MCMDC2: variants seen among roughly 807,000 people sequenced by gnomAD.
MCMDC2 encodes minichromosome maintenance domain containing 2.
MCMDC2 carries 54 observed loss-of-function variants against 75.8 expected under a neutral mutation model. That is an observed-to-expected ratio of 0.71 (90% CI 0.57 to 0.89). The LOEUF (loss-of-function observed/expected upper bound fraction) is 0.89. MCMDC2 is among the 40% of genes least tolerant of loss of function. The pLI is 0.00. For missense variants in MCMDC2, 656 were observed against 780.4 expected (o/e 0.84, Z 1.90); for synonymous variants, 249 against 274.6 (o/e 0.91, Z 0.92).
intron 7 of MCMDC2, 86 bp downstream of exon 7, chr8:66,879,005 C>A: frequency 1.2e-6 from 1 of 812,804 alleles, no homozygotes; most frequent in Non-Finnish European, 2.0e-6. Context: ...CCTGTAATCC[C>A]AACACTTTTG....
chr8:66,886,786 A>G (rs950683459), intron 9 of MCMDC2, among the ~76,000 whole-genome samples: 11 of 151,940 alleles, frequency 7.2e-5, no homozygotes, highest in Non-Finnish European at 1.6e-4. Context: ...AAAAAAAAAA[A>G]AAAGAAAGAA....
intron 11 of MCMDC2, 37 bp downstream of exon 11, chr8:66,896,373 T>A: frequency 6.6e-7 from 1 of 1,526,600 alleles, no homozygotes; most frequent in Admixed American, 2.4e-5. Context: ...AGAATGTTGT[T>A]CAAGGAATAA....
intron 10 of MCMDC2, among the ~76,000 whole-genome samples, chr8:66,895,570 C>A (rs1255054680): frequency 6.6e-6 from 1 of 151,594 alleles, no homozygotes; most frequent in Non-Finnish European, 1.5e-5. Context: ...CAATGCTTGG[C>A]TAATTTTTTG....
chr8:66,910,706 G>A (rs1813076077), intron 14 of MCMDC2, among the ~76,000 whole-genome samples: 2 of 152,098 alleles, frequency 1.3e-5, no homozygotes, highest in African/African-American at 4.8e-5. Flanking sequence ...CTACTTGGTA[G>A]GCTGAGGCTG....
intron 12 of MCMDC2, among the ~76,000 whole-genome samples, chr8:66,897,406 CAAA>C (rs745366466): frequency 6.9e-5 from 5 of 72,244 alleles, no homozygotes; most frequent in Admixed American, 3.1e-4. Context: ...GACCCTGTCT[CAAA>C]AAAAAAAAAA....
Position 66,919,498 on chromosome 8 carries a change from T to A in MCMDC2, c.*329T>A. 1 of 166,298 alleles carries A rather than the reference T, an allele frequency of 6.0e-6. No homozygotes were observed. Among genetic ancestry groups the A allele is most frequent in the Non-Finnish European group, 1.3e-5 (1 of 77,498 alleles). 10.3% of individuals were successfully genotyped at this position (166,298 alleles called of 1,614,324 possible). ...CAGATAAAAATGTAAATGTTGCAAT[T>A]TGAGCAGTGTGTAAAATGGCAACCT... On this transcript the variant is annotated 3_prime_UTR_variant, in exon 15 of 15. Coordinates refer to ENST00000422365, the MANE Select transcript of MCMDC2 (RefSeq NM_173518.5).
chr8:66,884,390 A>G (rs1811735216), intron 9 of MCMDC2: 1 of 185,982 alleles, frequency 5.4e-6, no homozygotes, highest in African/African-American at 2.3e-5. Context: ...TAAGGCTGTC[A>G]GAAGTGCCAT....
rs1008592632 is a variant in MCMDC2, at chr8:66,874,530, T to A, written c.229T>A (p.Cys77Ser). The change falls in exon 4 of 15, where the codon TGT becomes AGT. Residue 77 changes from cysteine (C) to serine (S), a missense_variant. Transcript: ENST00000422365. Reference protein sequence around the residue: ...LKAAEVFQSVCFIAVKTLSLI... With the variant: ...LKAAEVFQSVSFIAVKTLSLI... ...CTTTTTTTGTTTGAAATCACAGGTC[T>A]GTTTTATTGCTGTTAAGACTCTCTC... 1.9e-6 allele frequency: 3 copies of A among 1,613,312 alleles called. No homozygotes were observed. The highest frequency in any genetic ancestry group is 2.5e-6 in the Non-Finnish European group (3 of 1,179,802).
Position 66,902,711 on chromosome 8 carries a change from A to AATATATAT in MCMDC2, c.1769+1387_1769+1394dup, listed in dbSNP as rs1231949044. 2.7e-3 allele frequency among the ~76,000 whole-genome samples: 183 copies of AATATATAT among 67,904 alleles called. 5 individuals are homozygous for AATATATAT. Among genetic ancestry groups the AATATATAT allele is most frequent in the East Asian group, 0.022 (44 of 2,002 alleles). 44.5% of individuals were successfully genotyped at this position (67,904 alleles called of 152,430 possible). Reference sequence around the variant, plus strand: ...CTGTCTCAAAAAAAAAAAAAAAAAAAATATATATATATATATATATATATA... The same window carrying AATATATAT: ...CTGTCTCAAAAAAAAAAAAAAAAAAAATATATATATATATATATATATATATATATATA... On this transcript the variant is annotated intron_variant, in intron 13 of 14. Coordinates refer to ENST00000422365, the MANE Select transcript of MCMDC2 (RefSeq NM_173518.5).
intron 14 of MCMDC2, among the ~76,000 whole-genome samples, chr8:66,914,910 G>A (rs1160993852): frequency 6.7e-6 from 1 of 149,024 alleles, no homozygotes; most frequent in East Asian, 2.1e-4. Context: ...AGGAGAGGGG[G>A]TAATTAAGGA....
At chr8:66,872,150 C>G (rs1490484361) in intron 1 of MCMDC2, among the ~76,000 whole-genome samples, 1 of 152,170 alleles carries the variant, frequency 6.6e-6, no homozygotes, top group Non-Finnish European at 1.5e-5. Context: ...TAAAGTTTCA[C>G]TTTTATGTTG....
intron 14 of MCMDC2, among the ~76,000 whole-genome samples, chr8:66,909,521 C>A (rs2130861746): frequency 6.6e-6 from 1 of 152,212 alleles, no homozygotes; most frequent in Admixed American, 6.5e-5. Context: ...CAATGAAGTC[C>A]AGGCTGAGGT....
At chr8:66,871,950 G>T (rs1392549593) in intron 1 of MCMDC2, among the ~76,000 whole-genome samples, 2 of 151,286 alleles carry the variant, frequency 1.3e-5, no homozygotes, top group African/African-American at 4.9e-5. Context: ...AAAAAACTTT[G>T]ATGGCTTCCC....
chr8:66,899,356 TAGAG>T (rs1280118666), intron 12 of MCMDC2, among the ~76,000 whole-genome samples: 1 of 152,290 alleles, frequency 6.6e-6, no homozygotes, highest in Middle Eastern at 3.4e-3. Flanking sequence ...CATGCCATCT[TAGAG>T]AGAACTTAGA....
chr8:66,886,143 AAGGTATATGTATAAC>A (rs1811826060), intron 9 of MCMDC2, among the ~76,000 whole-genome samples: 1 of 151,550 alleles, frequency 6.6e-6, no homozygotes, highest in Admixed American at 6.6e-5. Flanking sequence ...GCTGGGTCAT[AAGGTATATGTATAAC>A]TTTTTTTTTT....
downstream of MCMDC2, chr8:66,925,671 A>C (rs560554526): frequency 6.6e-6 from 1 of 152,238 alleles, no homozygotes; most frequent in South Asian, 2.1e-4. Flanking sequence ...CGGAGGGGAG[A>C]TGAGACCCGC....
At chr8:66,910,011 G>T (rs549531153) in intron 14 of MCMDC2, among the ~76,000 whole-genome samples, 1 of 152,370 alleles carries the variant, frequency 6.6e-6, no homozygotes, top group East Asian at 1.9e-4. Context: ...CTAACGTATA[G>T]CTCAGGCTGT....
chr8:66,922,335 AAGC>A (rs1563397408), downstream of MCMDC2: 4 of 305,900 alleles, frequency 1.3e-5, no homozygotes, highest in East Asian at 1.7e-4. Flanking sequence ...TGAGGTAACG[AAGC>A]AGAAGTATTT....
chr8:66,902,936 G>C (rs1324344104), intron 13 of MCMDC2, among the ~76,000 whole-genome samples: 1 of 151,180 alleles, frequency 6.6e-6, no homozygotes, highest in African/African-American at 2.4e-5. Flanking sequence ...CCTGACTAAC[G>C]TGATGAAACC....
Sources: allele counts gnomAD v4.1 joint callset (sites outside exome capture counted in the v4.1 genomes callset), GRCh38; gene constraint gnomAD v4.1.1; transcripts MANE v1.5; gene names NCBI Gene and HGNC (gene_info 2026-07-23, HGNC 2026-07-21).